OR4D9: variants seen among roughly 807,000 people sequenced by gnomAD.
The protein encoded by OR4D9 is olfactory receptor 4D9.
A neutral mutation model predicts 0.8 loss-of-function variants in OR4D9; 2 were observed. The ratio of observed to expected loss-of-function variants is 2.58; its 90% CI spans 1.06 to 8.13. The LOEUF (loss-of-function observed/expected upper bound fraction) is 8.13. Ranked by LOEUF, OR4D9 falls within the 30% of genes most tolerant of loss-of-function variation. The probability of loss-of-function intolerance (pLI) is 0.04; values close to 1 mark genes in which losing one functional copy is unlikely to be tolerated. For missense variants in OR4D9, 399 were observed against 384.7 expected, an observed-to-expected ratio of 1.04 and a Z score of -0.31; for synonymous variants, 146 against 151.2, an observed-to-expected ratio of 0.97 and a Z score of 0.25.
Position 59,515,451 on chromosome 11 carries a change from A to T in OR4D9, c.539A>T (p.Asp180Val), listed in dbSNP as rs370518549. 5.6e-6 allele frequency: 9 copies of T among 1,613,966 alleles called. No individual in the cohort carries two copies. Among genetic ancestry groups the T allele is most frequent in the Non-Finnish European group, 6.8e-6 (8 of 1,180,022 alleles). Residue 180 changes from aspartate (D) to valine (V), a missense_variant, in exon 3 of 3, where the codon GAT becomes GTT. Asp to Val is a radical substitution (Grantham distance 152). Transcript: ENST00000641962. ...AATGTTCTTGACACTTTCTACTGCG[A>T]TGTCCCCCAGGTCCTCAAACTTGCC... ...GPNVLDTFYC[D>V]VPQVLKLACT...
In OR4D9 at chr11:59,513,002, T is replaced by TAA. The variant is rs1243260373; in HGVS notation, c.-125+1256_-125+1257insAA. On this transcript the variant is annotated intron_variant, in intron 1 of 2. Transcript: ENST00000641962. Reference sequence around the variant, plus strand: ...AAAGTGTTATAAATGATAAATGTTATGTTTGTTAGTTAAAACTTTATACTG... The same window carrying TAA: ...AAAGTGTTATAAATGATAAATGTTATAAGTTTGTTAGTTAAAACTTTATACTG... Among the ~76,000 whole-genome samples the TAA allele has an allele frequency of 6.6e-5, 10 of 152,380 alleles. No individual in the cohort carries two copies. In the East Asian group the frequency reaches 1.5e-3, roughly 23 times the overall value.
In OR4D9 at chr11:59,515,900, A is replaced by C; in HGVS notation, c.*43A>C. The C allele has an allele frequency of 7.1e-7, 1 of 1,410,468 alleles. No individual in the cohort carries two copies. The highest frequency in any genetic ancestry group is 9.6e-7 in the Non-Finnish European group (1 of 1,042,096). The allele number at this position is 1,410,468 out of a possible 1,614,324, so 87.4% of individuals were successfully genotyped here. ...TATTTAAAGATAGACATTAAATTTC[A>C]CTTTCTCAAAATGGGAAAGGAGCTT... On this transcript the variant is annotated 3_prime_UTR_variant, in exon 3 of 3. Transcript: ENST00000641962.
chr11:59,515,576 TTGA>T lies in OR4D9; in HGVS notation c.670_672del (p.Met224del). ...TCTCCTCATATCTTACACGGTCATCTTGATGATGCTGAGGTCTCACACTGGGGA... is the reference window on the plus strand; with the variant it reads ...TCTCCTCATATCTTACACGGTCATCTTGATGCTGAGGTCTCACACTGGGGA... On this transcript the variant is annotated inframe_deletion, in exon 3 of 3. Transcript: ENST00000641962. 1.9e-6 allele frequency: 3 copies of T among 1,614,206 alleles called. No homozygotes were observed. The highest frequency in any genetic ancestry group is 2.5e-6 in the Non-Finnish European group (3 of 1,180,034).
Position 59,515,459 on chromosome 11 carries a change from C to G in OR4D9, c.547C>G (p.Gln183Glu), listed in dbSNP as rs1209097004. 3 of 1,614,162 alleles carry G rather than the reference C, an allele frequency of 1.9e-6. No homozygotes were observed. The highest frequency in any genetic ancestry group is 2.5e-6 in the Non-Finnish European group (3 of 1,180,020). The part of the protein sequence containing the change: ...VLDTFYCDVP[Q>E]VLKLACTDTF... ...TGACACTTTCTACTGCGATGTCCCCCAGGTCCTCAAACTTGCCTGCACTGA... is the reference window on the plus strand; with the variant it reads ...TGACACTTTCTACTGCGATGTCCCCGAGGTCCTCAAACTTGCCTGCACTGA... Residue 183 changes from glutamine (Q) to glutamate (E), a missense_variant, in exon 3 of 3, where the codon CAG (glutamine) becomes GAG (glutamate). By Grantham distance (29) the Gln-to-Glu change is conservative. Transcript: ENST00000641962.
At position 59,515,827 on chromosome 11, in the gene OR4D9, A is replaced by G; in HGVS notation, c.915A>G (p.Leu305=). 1.2e-6 allele frequency: 2 copies of G among 1,613,384 alleles called. No individual in the cohort carries two copies. The highest frequency in any genetic ancestry group is 1.7e-6 in the Non-Finnish European group (2 of 1,179,468). ...KLAMRKLKRR[L]GQSERILIQ ...CCATGAGGAAACTGAAGAGACGGCT[A>G]GGACAATCAGAAAGGATTTTAATTC... The change falls in exon 3 of 3, where the codon CTA becomes CTG. Residue 305 remains leucine (L), a synonymous_variant. Transcript: ENST00000641962.
rs184378634 is a variant in OR4D9, at chr11:59,516,233, G to A, written c.*376G>A. The A allele has an allele frequency of 4.1e-3, 673 of 164,268 alleles. 2 individuals carry two copies. Among genetic ancestry groups the A allele is most frequent in the African/African-American group, 0.014 (588 of 41,732 alleles). The allele number at this position is 164,268 out of a possible 1,614,324, so 10.2% of individuals were successfully genotyped here. A position where few individuals can be genotyped will look rare whatever the true frequency, so the allele number is the denominator to read the frequency against. Reference sequence around the variant, plus strand: ...GTGGTGGCTCACACCTGTAATCCCAGCACTTTGGGAGGCCAAGGCAGGCAG... The same window carrying A: ...GTGGTGGCTCACACCTGTAATCCCAACACTTTGGGAGGCCAAGGCAGGCAG... On this transcript the variant is annotated 3_prime_UTR_variant, in exon 3 of 3. Coordinates refer to ENST00000641962, the MANE Select transcript of OR4D9 (RefSeq NM_001004711.2).
intron 1 of OR4D9, among the ~76,000 whole-genome samples, chr11:59,511,993 G>C (rs1859332544): frequency 6.6e-6 from 1 of 152,200 alleles, no homozygotes; most frequent in Non-Finnish European, 1.5e-5. Flanking sequence ...AATTTTGGAA[G>C]ATTTGAGTAA....
At chr11:59,512,301 T>C (rs1453208785) in intron 1 of OR4D9, among the ~76,000 whole-genome samples, 4 of 56,884 alleles carry the variant, frequency 7.0e-5, no homozygotes, top group Non-Finnish European at 1.5e-4. Flanking sequence ...TTCTTTTTTC[T>C]TTTTTTTTTT....
Position 59,517,084 on chromosome 11 carries a change from A to T in OR4D9, c.*1227A>T, listed in dbSNP as rs1222278648. 6.6e-6 allele frequency: 1 copy of T among 151,662 alleles called. No individual in the cohort carries two copies. The highest frequency in any genetic ancestry group is 1.5e-5 in the Non-Finnish European group (1 of 67,920). 9.4% of individuals were successfully genotyped at this position (151,662 alleles called of 1,614,324 possible). A position where few individuals can be genotyped will look rare whatever the true frequency, so the allele number is the denominator to read the frequency against. ...ACTCTGTCCAAAAATAATAATAATAATTAATAAATAAATAAAAATTAACCA... is the reference window on the plus strand; with the variant it reads ...ACTCTGTCCAAAAATAATAATAATATTTAATAAATAAATAAAAATTAACCA... On this transcript the variant is annotated 3_prime_UTR_variant, in exon 3 of 3. Coordinates refer to ENST00000641962, the MANE Select transcript of OR4D9 (RefSeq NM_001004711.2).
Position 59,515,405 on chromosome 11 carries a change from C to T in OR4D9, c.493C>T (p.Pro165Ser). ...HSIAQISLLLPLPFCGPNVLD... is the reference protein window; with the variant it reads ...HSIAQISLLLSLPFCGPNVLD... The stretch of plus-strand genomic sequence containing the variant: ...CATAGCGCAGATTTCTCTATTGCTC[C>T]CACTCCCTTTCTGTGGACCCAATGT... Residue 165 changes from proline (P) to serine (S), a missense_variant, in exon 3 of 3, where the codon CCA (proline) becomes TCA (serine). By Grantham distance (74) the Pro-to-Ser change is moderately conservative. Transcript: ENST00000641962. 6.2e-7 allele frequency: 1 copy of T among 1,614,146 alleles called. No individual in the cohort carries two copies. The highest frequency in any genetic ancestry group is 2.2e-5 in the East Asian group (1 of 44,892).
Position 59,515,989 on chromosome 11 carries a change from C to A in OR4D9, c.*132C>A. On this transcript the variant is annotated 3_prime_UTR_variant, in exon 3 of 3. Transcript: ENST00000641962. ...CGAGTCCTAAAAGAAGTTATTCCAT[C>A]ATATATGTTGGGGACCACGTGGATG... is the stretch of plus-strand genomic sequence containing the variant. 1.5e-6 allele frequency: 1 copy of A among 685,462 alleles called. No individual in the cohort carries two copies. The highest frequency in any genetic ancestry group is 2.4e-6 in the Non-Finnish European group (1 of 416,874). The allele number at this position is 685,462 out of a possible 1,614,324, so 42.5% of individuals were successfully genotyped here. A position where few individuals can be genotyped will look rare whatever the true frequency, so the allele number is the denominator to read the frequency against.
Position 59,518,615 on chromosome 11 carries a change from G to A in OR4D9, c.*2758G>A, listed in dbSNP as rs1219212648. 1 of 152,108 alleles carries A rather than the reference G, an allele frequency of 6.6e-6. No individual in the cohort carries two copies. Among genetic ancestry groups the A allele is most frequent in the Non-Finnish European group, 1.5e-5 (1 of 68,044 alleles). The allele number at this position is 152,108 out of a possible 1,614,324, so 9.4% of individuals were successfully genotyped here. A position where few individuals can be genotyped will look rare whatever the true frequency, so the allele number is the denominator to read the frequency against. On this transcript the variant is annotated 3_prime_UTR_variant, in exon 3 of 3. Coordinates refer to ENST00000641962, the MANE Select transcript of OR4D9 (RefSeq NM_001004711.2). ...GTTGCCCAGGCTGGTTGAAATTCTT[G>A]GACTCAAATGATCCCTCCACTTCAG...
rs1859441888 is a variant in OR4D9 at position 59,519,145 on chromosome 11, G to C, written c.*3288G>C. ...GGGAGGGTGGATTGCTTGAGCTCAG[G>C]AGTTTCAGAACAGCCTGGGCAACAT... On this transcript the variant is annotated 3_prime_UTR_variant, in exon 3 of 3. Transcript: ENST00000641962. 6.6e-6 allele frequency: 1 copy of C among 152,178 alleles called. No individual in the cohort carries two copies. The highest frequency in any genetic ancestry group is 6.6e-5 in the Admixed American group (1 of 15,260). 9.4% of individuals were successfully genotyped at this position (152,178 alleles called of 1,614,324 possible). A position where few individuals can be genotyped will look rare whatever the true frequency, so the allele number is the denominator to read the frequency against.
Position 59,515,387 on chromosome 11 carries a change from C to A in OR4D9, c.475C>A (p.Gln159Lys), listed in dbSNP as rs1206777523. Reference protein sequence around the residue: ...WVGGFVHSIAQISLLLPLPFC... With the variant: ...WVGGFVHSIAKISLLLPLPFC... Reference sequence around the variant, plus strand: ...GGGGGGCTTTGTCCACTCCATAGCGCAGATTTCTCTATTGCTCCCACTCCC... The same window carrying A: ...GGGGGGCTTTGTCCACTCCATAGCGAAGATTTCTCTATTGCTCCCACTCCC... Residue 159 changes from glutamine to lysine, a missense_variant, in exon 3 of 3, where the codon CAG becomes AAG. By Grantham distance (53) the Gln-to-Lys change is moderately conservative (BLOSUM62 1). Transcript: ENST00000641962. The A allele has an allele frequency of 6.2e-7, 1 of 1,614,084 alleles. No individual in the cohort carries two copies. The highest frequency in any genetic ancestry group is 8.5e-7 in the Non-Finnish European group (1 of 1,180,014).
rs762683223 is a variant in OR4D9, at chr11:59,515,689, C to T, written c.777C>T (p.Ala259=). Residue 259 remains alanine, a synonymous_variant, in exon 3 of 3, where the codon GCC becomes GCT. Transcript: ENST00000641962. ...TCGTGCCCTGCATCTATGTCTATGC[C>T]CGGCCCTTCACTGCCCTCCCCACAG... ...LHFVPCIYVY[A]RPFTALPTDT... The T allele has an allele frequency of 1.2e-6, 2 of 1,614,008 alleles. No individual in the cohort carries two copies. The highest frequency in any genetic ancestry group is 2.2e-5 in the South Asian group (2 of 91,084).
intron 1 of OR4D9, among the ~76,000 whole-genome samples, chr11:59,513,721 C>T (rs1186595826): frequency 6.6e-6 from 1 of 151,854 alleles, no homozygotes; most frequent in Non-Finnish European, 1.5e-5. Flanking sequence ...TCACCCGAGG[C>T]CAGGAGTTTG....
In OR4D9 at chr11:59,516,606, A is replaced by G. The variant is rs895494241; in HGVS notation, c.*749A>G. On this transcript the variant is annotated 3_prime_UTR_variant, in exon 3 of 3. Transcript: ENST00000641962. ...AGTAGACATTTTCAAGGGGAAAAAG[A>G]TCAGAAAAGAACAATCCAAGCAAGG... 6.6e-6 allele frequency: 1 copy of G among 152,382 alleles called. No homozygotes were observed. Among genetic ancestry groups the G allele is most frequent in the East Asian group, 1.9e-4 (1 of 5,188 alleles). 9.4% of individuals were successfully genotyped at this position (152,382 alleles called of 1,614,324 possible). A position where few individuals can be genotyped will look rare whatever the true frequency, so the allele number is the denominator to read the frequency against.
In OR4D9 at chr11:59,515,004, T is replaced by C; in HGVS notation, c.92T>C (p.Leu31Pro). ...RELSQVLFTFLFLVYMTTLMG... is the reference protein window; with the variant it reads ...RELSQVLFTFPFLVYMTTLMG... ...CTGAGCCAGGTCTTATTTACCTTCC[T>C]GTTTTTGGTGTACATGACAACTCTA... Residue 31 changes from leucine to proline, a missense_variant, in exon 3 of 3, where the codon CTG (leucine) becomes CCG (proline). Transcript: ENST00000641962. 2 of 1,614,098 alleles carry C rather than the reference T, an allele frequency of 1.2e-6. No individual in the cohort carries two copies. Among genetic ancestry groups the C allele is most frequent in the Admixed American group, 1.7e-5 (1 of 60,014 alleles).
chr11:59,513,886 G>A (rs1261032806), intron 1 of OR4D9, among the ~76,000 whole-genome samples: 7 of 152,140 alleles, frequency 4.6e-5, no homozygotes, highest in East Asian at 1.9e-4. Context: ...TGGGAGGATC[G>A]CTTGAGCTCA....
Sources: gnomAD v4.1 joint callset for allele counts (sites outside exome capture counted in the v4.1 genomes callset) on GRCh38, gnomAD v4.1.1 for gene constraint, MANE v1.5 for transcripts, NCBI Gene and HGNC (gene_info 2026-07-23, HGNC 2026-07-21) for gene names.